Variants in NHSL1 observed in about 807,000 individuals in gnomAD.
The protein encoded by NHSL1 is NHS-like protein 1.
In NHSL1, 48 loss-of-function variants were observed where a neutral mutation model predicts 95.0. That is an observed-to-expected ratio of 0.51 (90% CI 0.40 to 0.64). NHSL1 has a LOEUF of 0.64. Ranked by LOEUF, NHSL1 falls within the 30% of genes least tolerant of loss-of-function variation. The pLI, the probability that NHSL1 is intolerant of heterozygous loss-of-function variation, is 0.00. For synonymous variants in NHSL1, 783 were observed against 833.9 expected (o/e 0.94, Z 1.05); for missense variants, 1,971 against 2,077.7 (o/e 0.95, Z 1.00).
chr6:138,552,411 C>T (rs143615706), intron 1 of NHSL1, among the ~76,000 whole-genome samples: 77 of 152,128 alleles, frequency 5.1e-4, no homozygotes, highest in African/African-American at 1.7e-3. Flanking sequence ...CAAAGTGAGG[C>T]TCCATCCCCC....
chr6:138,533,221 C>A (rs1782206592), intron 1 of NHSL1, among the ~76,000 whole-genome samples: 1 of 152,038 alleles, frequency 6.6e-6, no homozygotes, highest in African/African-American at 2.4e-5. Context: ...AAATTTAGAA[C>A]AAAGGGTAGA....
At chr6:138,642,878 A>G (rs1784974819) in intron 1 of NHSL1, among the ~76,000 whole-genome samples, 1 of 152,198 alleles carries the variant, frequency 6.6e-6, no homozygotes, top group Non-Finnish European at 1.5e-5. Flanking sequence ...GTTCAAAGAA[A>G]GACACCATAA....
intron 2 of NHSL1, among the ~76,000 whole-genome samples, chr6:138,494,680 G>C (rs1780247855): frequency 6.6e-6 from 1 of 152,076 alleles, no homozygotes. Flanking sequence ...CCAAAGTCAA[G>C]TCTTCCACAA....
chr6:138,559,317 G>C (rs1416706587), intron 1 of NHSL1, among the ~76,000 whole-genome samples: 3 of 152,250 alleles, frequency 2.0e-5, no homozygotes, highest in Non-Finnish European at 4.4e-5. Context: ...CAGGGAATCA[G>C]CCTGAGTGCA....
intron 1 of NHSL1, among the ~76,000 whole-genome samples, chr6:138,606,775 T>C (rs1583445854): frequency 6.8e-6 from 1 of 147,662 alleles, no homozygotes; most frequent in Non-Finnish European, 1.5e-5. Flanking sequence ...CAATCTCAGC[T>C]CACTGCAAGC....
chr6:138,626,610 T>TAACTACCACTATA (rs1784740526), intron 1 of NHSL1, among the ~76,000 whole-genome samples: 1,312 of 126,860 alleles, frequency 0.01, 263 homozygotes, highest in South Asian at 0.018. Context: ...AAAAAAATTG[T>TAACTACCACTATA]AGGCCGGGCG....
chr6:138,588,211 T>C (rs1784170154), intron 1 of NHSL1, among the ~76,000 whole-genome samples: 2 of 152,288 alleles, frequency 1.3e-5, no homozygotes, highest in South Asian at 4.1e-4. Context: ...GCCTGTAATC[T>C]CAGCACTTTG....
At chr6:138,654,146 C>A (rs1785127144) in intron 1 of NHSL1, among the ~76,000 whole-genome samples, 1 of 152,192 alleles carries the variant, frequency 6.6e-6, no homozygotes, top group Admixed American at 6.5e-5. Context: ...AGCAGACGAG[C>A]ACTAACTGCA....
In NHSL1 at chr6:138,519,028, G is replaced by GAATAAATA. The variant is rs538300805; in HGVS notation, c.17-22665_17-22658dup. ...GCAAGACACTGTCTCAAAAATAAAT[G>GAATAAATA]AATAAATAAATAAATAAATAAATAC... On this transcript the variant is annotated intron_variant, in intron 1 of 4. Transcript: ENST00000342260. Among the ~76,000 whole-genome samples, 908 of 151,772 alleles carry GAATAAATA rather than the reference G, an allele frequency of 6.0e-3. 22 individuals carry two copies. Among genetic ancestry groups the GAATAAATA allele is most frequent in the Admixed American group, 0.046 (703 of 15,222 alleles).
intron 2 of NHSL1, among the ~76,000 whole-genome samples, chr6:138,474,269 T>C (rs1287937560): frequency 6.6e-6 from 1 of 152,240 alleles, no homozygotes; most frequent in Non-Finnish European, 1.5e-5. Flanking sequence ...TATCCAGCTT[T>C]CTAAAGGAGC....
exon 1 of NHSL1, chr6:138,571,744 G>T (rs1783846863): frequency 1.3e-6 from 2 of 1,551,952 alleles, no homozygotes; most frequent in Non-Finnish European, 1.7e-6. Flanking sequence ...TCCAGTTTTC[G>T]TCATCCACTT....
chr6:138,638,682 G>C (rs1378082188), intron 1 of NHSL1, among the ~76,000 whole-genome samples: 1 of 152,092 alleles, frequency 6.6e-6, no homozygotes, highest in Admixed American at 6.5e-5. Flanking sequence ...ATGAAACTTG[G>C]GTACACTATT....
chr6:138,686,160 A>G (rs1785582351), intron 1 of NHSL1, among the ~76,000 whole-genome samples: 1 of 150,356 alleles, frequency 6.7e-6, no homozygotes, highest in African/African-American at 2.5e-5. Context: ...GTTCTTACCA[A>G]AAAAAAAAGA....
intron 3 of NHSL1, chr6:138,470,605 A>T (rs1217765539): frequency 6.6e-6 from 1 of 152,188 alleles, no homozygotes; most frequent in African/African-American, 2.4e-5. Flanking sequence ...CTGGATTTTT[A>T]AAAATCACAA....
At chr6:138,639,148 A>C (rs1421132573) in intron 1 of NHSL1, among the ~76,000 whole-genome samples, 1 of 152,194 alleles carries the variant, frequency 6.6e-6, no homozygotes, top group Non-Finnish European at 1.5e-5. Flanking sequence ...TTATTTTTTT[A>C]AGAGCCATCT....
At position 138,536,744 on chromosome 6, in the gene NHSL1, C is replaced by A. The variant is rs529538990; in HGVS notation, c.16+8879G>T. 2.0e-5 allele frequency among the ~76,000 whole-genome samples: 3 copies of A among 151,102 alleles called. No individual in the cohort carries two copies. The Admixed American group carries it at 2.0e-4, about 10-fold the overall frequency. ...CCCGTCATCTAGGTTTTAAGCCCTG[C>A]ATGCATTAGGGATTTGTCCTAATGC... is the stretch of plus-strand genomic sequence containing the variant. On this transcript the variant is annotated intron_variant, in intron 1 of 4. Coordinates refer to the NHSL1 transcript ENST00000342260.
In NHSL1 at chr6:138,692,362, A is replaced by T. The variant is rs1785690403; in HGVS notation, c.96+114T>A. 1 of 315,044 alleles carries T rather than the reference A, an allele frequency of 3.2e-6. No individual in the cohort carries two copies. The highest frequency in any genetic ancestry group is 4.1e-5 in the Admixed American group (1 of 24,318). The allele number at this position is 315,044 out of a possible 1,614,324, so 19.5% of individuals were successfully genotyped here. On this transcript the variant is annotated intron_variant, in intron 1 of 3. Coordinates refer to the NHSL1 transcript ENST00000491526. This position sits in a 1 kb window ranked among gnomAD's most constrained non-coding sequence, Gnocchi z 4.0. ...GGCAGTCCCCACTGGAGACCCCGAC[A>T]TCGCGGGGCTCCGCGGCCCCCGCGC...
At chr6:138,530,630 A>C (rs542573022) in intron 1 of NHSL1, among the ~76,000 whole-genome samples, 1 of 152,358 alleles carries the variant, frequency 6.6e-6, no homozygotes, top group East Asian at 1.9e-4. Flanking sequence ...TCTTTGCAGC[A>C]ACTTGGATGG....
At chr6:138,672,472 A>T (rs539587464) in intron 1 of NHSL1, among the ~76,000 whole-genome samples, 1 of 152,048 alleles carries the variant, frequency 6.6e-6, no homozygotes, top group African/African-American at 2.4e-5. Flanking sequence ...CCAGGAAAAA[A>T]TTTTTTAAAA....
Sources: gnomAD v4.1 joint callset for allele counts (sites outside exome capture counted in the v4.1 genomes callset) on GRCh38, gnomAD v4.1.1 for gene constraint, Gnocchi (gnomAD v3.1) non-coding constraint, MANE v1.5 for transcripts, NCBI Gene and HGNC (gene_info 2026-07-23, HGNC 2026-07-21) for gene names.